The following CACNB4 variants were observed in gnomAD, a reference collection of about 807,000 sequenced individuals.
CACNB4 encodes the protein voltage-dependent L-type calcium channel subunit beta-4.
Under a neutral mutation model 71.2 loss-of-function variants are expected in CACNB4, and 32 were observed. That is an observed-to-expected ratio of 0.45 (90% CI 0.34 to 0.60). The LOEUF is 0.60. CACNB4 is among the 20% of genes least tolerant of loss of function. The pLI is 0.01. For synonymous variants in CACNB4, 231 were observed against 236.9 expected (o/e 0.97, Z 0.23); for missense variants, 464 against 647.9 (o/e 0.72, Z 3.08).
intron 2 of CACNB4, among the ~76,000 whole-genome samples, chr2:151,999,876 C>G (rs1421223733): frequency 6.6e-6 from 1 of 152,176 alleles, no homozygotes. Flanking sequence ...AAATTCATTT[C>G]TTCCTGTGTA....
At chr2:151,974,905 G>C (rs182621678) in intron 2 of CACNB4, among the ~76,000 whole-genome samples, 20 of 150,924 alleles carry the variant, frequency 1.3e-4, no homozygotes, top group Admixed American at 4.0e-4. Context: ...GGAGGACAAA[G>C]AAGCTGGTGA....
intron 2 of CACNB4, among the ~76,000 whole-genome samples, chr2:152,060,552 A>C (rs1003924153): frequency 2.6e-5 from 4 of 152,242 alleles, no homozygotes; most frequent in African/African-American, 7.2e-5. Context: ...ATTATTAGCT[A>C]TTCCACAACT....
chr2:151,991,221 C>T (rs963506599), intron 2 of CACNB4, among the ~76,000 whole-genome samples: 10 of 152,190 alleles, frequency 6.6e-5, no homozygotes, highest in African/African-American at 2.4e-4. Flanking sequence ...CACCTTCTAA[C>T]TCAGAGTTCG....
intron 2 of CACNB4, among the ~76,000 whole-genome samples, chr2:152,076,960 G>A: frequency 1.3e-5 from 2 of 152,344 alleles, no homozygotes; most frequent in Middle Eastern, 3.4e-3. Flanking sequence ...AAGCAGGGAG[G>A]GGGGCTGGCC....
chr2:152,081,264 A>G (rs1267556746), intron 2 of CACNB4, among the ~76,000 whole-genome samples: 2 of 152,218 alleles, frequency 1.3e-5, no homozygotes, highest in African/African-American at 4.8e-5. Flanking sequence ...GAATTAGTCA[A>G]CTTGAGCTGC....
chr2:151,993,053 G>C (rs1019415122), intron 2 of CACNB4, among the ~76,000 whole-genome samples: 7 of 152,032 alleles, frequency 4.6e-5, no homozygotes, highest in African/African-American at 1.7e-4. Flanking sequence ...ATCTCACAAG[G>C]TTCTCAGCTC....
In CACNB4 at chr2:151,835,453, A is replaced by G. The variant is rs2099834697; in HGVS notation, c.*3666T>C. On this transcript the variant is annotated 3_prime_UTR_variant, in exon 14 of 14. Coordinates refer to ENST00000539935, the MANE Select transcript of CACNB4 (RefSeq NM_000726.5). ...GACCAGTGTTTTTCCCTTTAAAGAC[A>G]GATTGTCTTCTCTAGAGAAGAGGTA... The G allele has an allele frequency of 6.6e-6, 1 of 151,914 alleles. No homozygotes were observed. The allele number at this position is 151,914 out of a possible 1,614,324, so 9.4% of individuals were successfully genotyped here.
At chr2:152,050,606 T>A (rs1008709604) in intron 2 of CACNB4, among the ~76,000 whole-genome samples, 54 of 152,218 alleles carry the variant, frequency 3.5e-4, no homozygotes, top group African/African-American at 1.3e-3. Flanking sequence ...ATCCCAGCTC[T>A]TTGGGAAGCT....
At chr2:152,074,042 G>A (rs1219768132) in intron 2 of CACNB4, among the ~76,000 whole-genome samples, 8 of 151,964 alleles carry the variant, frequency 5.3e-5, no homozygotes, top group Admixed American at 4.6e-4. Context: ...CATGTGAAGG[G>A]GACTGAGTTC....
At chr2:152,033,562 A>C (rs763350513) in intron 2 of CACNB4, among the ~76,000 whole-genome samples, 4 of 152,222 alleles carry the variant, frequency 2.6e-5, no homozygotes, top group Admixed American at 6.5e-5. Flanking sequence ...TGATCTGGGT[A>C]AATACCATTT....
chr2:151,898,147 G>T (rs2099852537), intron 2 of CACNB4, among the ~76,000 whole-genome samples: 1 of 152,178 alleles, frequency 6.6e-6, no homozygotes, highest in Non-Finnish European at 1.5e-5. Context: ...GCATCACCTT[G>T]TTTGGGAATA....
At chr2:152,019,385 T>G (rs940232214) in intron 2 of CACNB4, among the ~76,000 whole-genome samples, 1 of 152,144 alleles carries the variant, frequency 6.6e-6, no homozygotes, top group African/African-American at 2.4e-5. Context: ...TGTATATGAG[T>G]GTATGATAGA....
At chr2:151,889,592 A>G (rs182579660) in intron 2 of CACNB4, among the ~76,000 whole-genome samples, 2 of 152,024 alleles carry the variant, frequency 1.3e-5, no homozygotes, top group East Asian at 3.9e-4. Flanking sequence ...TTGACAATGC[A>G]TTTTTCCACA....
intron 2 of CACNB4, among the ~76,000 whole-genome samples, chr2:151,946,503 C>T (rs2099865657): frequency 6.6e-6 from 1 of 152,136 alleles, no homozygotes; most frequent in African/African-American, 2.4e-5. Context: ...TACTGAGATG[C>T]AAATGTTATC....
At position 151,880,933 on chromosome 2, in the gene CACNB4, A is replaced by G. The variant is rs2099847662; in HGVS notation, c.268-11T>C. ...TGCTACAGGTTTGGACTAGGGACAG[A>G]ACCATGGAATAAGGAATGAGGAAGG... On this transcript the variant is annotated splice_polypyrimidine_tract_variant and intron_variant, in intron 3 of 13. Coordinates refer to ENST00000539935, the MANE Select transcript of CACNB4 (RefSeq NM_000726.5). 1 of 1,595,684 alleles carries G rather than the reference A, an allele frequency of 6.3e-7. No homozygotes were observed. Among genetic ancestry groups the G allele is most frequent in the South Asian group, 1.1e-5 (1 of 88,104 alleles).
intron 2 of CACNB4, among the ~76,000 whole-genome samples, chr2:151,912,996 CT>C (rs1016014840): frequency 2.6e-5 from 4 of 151,370 alleles, no homozygotes; most frequent in Non-Finnish European, 5.9e-5. Context: ...GCAACCCCTG[CT>C]TTTTTTTTCT....
chr2:152,072,360 C>T (rs1030769225), intron 2 of CACNB4, among the ~76,000 whole-genome samples: 1 of 152,170 alleles, frequency 6.6e-6, no homozygotes. Flanking sequence ...TCCAACGTGG[C>T]TAGGGGAGCT....
chr2:151,999,171 T>G (rs1479053609), intron 2 of CACNB4, among the ~76,000 whole-genome samples: 1 of 152,088 alleles, frequency 6.6e-6, no homozygotes, highest in Non-Finnish European at 1.5e-5. Context: ...ACTCATGACC[T>G]CCACTAGATG....
chr2:152,023,271 C>T (rs1683775873), intron 2 of CACNB4, among the ~76,000 whole-genome samples: 1 of 152,062 alleles, frequency 6.6e-6, no homozygotes, highest in Non-Finnish European at 1.5e-5. Context: ...TCCCACCAGG[C>T]CCTGCCCTCA....
Sources: allele counts gnomAD v4.1 joint callset (sites outside exome capture counted in the v4.1 genomes callset), GRCh38; gene constraint gnomAD v4.1.1; transcripts MANE v1.5; gene names NCBI Gene and HGNC (gene_info 2026-07-23, HGNC 2026-07-21).